CELSR3: variants seen among roughly 807,000 people sequenced by gnomAD.
CELSR3 encodes the protein cadherin EGF LAG seven-pass G-type receptor 3.
Under a neutral mutation model 270.0 loss-of-function variants are expected in CELSR3, and 73 were observed. The observed-to-expected ratio is 0.27, with a 90% CI of 0.22 to 0.33. The LOEUF is 0.33. Among genes scored for constraint, CELSR3 ranks in the 10% least tolerant of loss-of-function variants. The pLI, the probability that CELSR3 is intolerant of heterozygous loss-of-function variation, is 1.00. For missense variants in CELSR3, 3,614 were observed against 4,533.8 expected (o/e 0.80, Z 5.83); for synonymous variants, 1,780 against 1,905.4 (o/e 0.93, Z 1.71).
In CELSR3 at chr3:48,652,131, A is replaced by T; in HGVS notation, c.5752-83T>A. 7.5e-7 allele frequency: 1 copy of T among 1,338,262 alleles called. No homozygotes were observed. Among genetic ancestry groups the T allele is most frequent in the South Asian group, 1.5e-5 (1 of 65,968 alleles). 82.9% of individuals were successfully genotyped at this position (1,338,262 alleles called of 1,614,324 possible). On this transcript the variant is annotated intron_variant, in intron 11 of 34. Coordinates refer to ENST00000164024, the MANE Select transcript of CELSR3 (RefSeq NM_001407.3). The surrounding 1 kb of genome is among the most constrained non-coding windows in gnomAD (Gnocchi z 4.3). ...ACTGCAGAGCCAGCCACCCGGTCTG[A>T]TGATCCTTGACATGCAGTCTTCTGA...
rs773281304 is a variant in CELSR3, at chr3:48,662,584, G to T, written c.51C>A (p.Pro17=). 1 of 1,517,478 alleles carries T rather than the reference G, an allele frequency of 6.6e-7. No homozygotes were observed. Among genetic ancestry groups the T allele is most frequent in the Non-Finnish European group, 8.8e-7 (1 of 1,130,810 alleles). The allele number at this position is 1,517,478 out of a possible 1,614,324, so 94.0% of individuals were successfully genotyped here. ...PWRGLGGRST[P]ILLLLLLSLF... is the part of the protein sequence containing the mutation. ...AAGAGAGGAGAAGGAGCAGGAGTAT[G>T]GGGGTCGACCGTCCCCCGAGGCCCC... The change falls in exon 1 of 35, where the codon CCC becomes CCA. Residue 17 remains proline, a synonymous_variant. Coordinates refer to ENST00000164024, the MANE Select transcript of CELSR3 (RefSeq NM_001407.3). This position sits in a 1 kb window ranked among gnomAD's most constrained non-coding sequence, Gnocchi z 7.1.
In CELSR3 at chr3:48,652,011, G is replaced by T. The variant is rs201802683; in HGVS notation, c.5789C>A (p.Ala1930Asp). Residue 1930 changes from alanine (A) to aspartate (D), a missense_variant, in exon 12 of 35, where the codon GCC becomes GAC. Physicochemically the swap from Ala to Asp is moderately radical, Grantham distance 126 (BLOSUM62 -2). Around this residue, in one of 7 missense-constraint regions of CELSR3, gnomAD observed 1,331 missense variants for 1,933.7 expected, o/e 0.69. Transcript: ENST00000164024. This position sits in a 1 kb window ranked among gnomAD's most constrained non-coding sequence, Gnocchi z 4.3. ...CACTCGGTGGCTGGGGGGTAGCAGG[G>T]CCGGGGAGCCAGAGGGTGTGGAGCC... ...WLGSTPSGSP[A>D]LLPPSHRVNA... 12 of 1,581,336 alleles carry T rather than the reference G, an allele frequency of 7.6e-6. No individual in the cohort carries two copies. The South Asian group carries it at 1.2e-4, about 15-fold the overall frequency.
rs745797882 is a variant in CELSR3, at chr3:48,655,003, G to C, written c.4988+41C>G. ...GATGTGAAGGGTTGGAGTGGGCTTT[G>C]GTAGGCAGGGGACAAGGGGACTAGG... is the stretch of plus-strand genomic sequence containing the variant. On this transcript the variant is annotated intron_variant, in intron 6 of 34. Transcript: ENST00000164024. This position sits in a 1 kb window ranked among gnomAD's most constrained non-coding sequence, Gnocchi z 5.8. The C allele has an allele frequency of 9.4e-6, 15 of 1,595,512 alleles. No individual in the cohort carries two copies. Among genetic ancestry groups the C allele is most frequent in the South Asian group, 2.2e-5 (2 of 90,738 alleles).
chr3:48,641,011 C>A lies in CELSR3; in HGVS notation c.9025+313G>T. The stretch of plus-strand genomic sequence containing the variant: ...GGGGCAGAAATCTTCCAGATCAGAG[C>A]ACGGGCTCTGGGATCTGGGTGGGGG... On this transcript the variant is annotated intron_variant, in intron 33 of 34. Coordinates refer to ENST00000164024, the MANE Select transcript of CELSR3 (RefSeq NM_001407.3). This position sits in a 1 kb window ranked among gnomAD's most constrained non-coding sequence, Gnocchi z 4.8. 1 of 392,728 alleles carries A rather than the reference C, an allele frequency of 2.5e-6. No homozygotes were observed. Among genetic ancestry groups the A allele is most frequent in the Admixed American group, 4.4e-5 (1 of 22,680 alleles). The allele number at this position is 392,728 out of a possible 1,614,324, so 24.3% of individuals were successfully genotyped here. A position where few individuals can be genotyped will look rare whatever the true frequency, so the allele number is the denominator to read the frequency against.
chr3:48,659,555 C>T lies in CELSR3; in HGVS notation c.3080G>A (p.Arg1027Gln). Residue 1027 changes from arginine (R) to glutamine (Q), a missense_variant, in exon 1 of 35, where the codon CGG (arginine) becomes CAG (glutamine). Arg to Gln is a conservative substitution (Grantham distance 43). This residue lies in a region of CELSR3 where 1,331 missense variants were observed against 1,933.7 expected (regional missense o/e 0.69). Coordinates refer to ENST00000164024, the MANE Select transcript of CELSR3 (RefSeq NM_001407.3). The surrounding 1 kb of genome is among the most constrained non-coding windows in gnomAD (Gnocchi z 8.1). ...CAACTCATACACTGATACTGCCTCC[C>T]GGTCTAGCCGCCTTACTGTACGGAC... ...GIVRTVRRLD[R>Q]EAVSVYELTA... 7 of 1,614,216 alleles carry T rather than the reference C, an allele frequency of 4.3e-6. No homozygotes were observed. The highest frequency in any genetic ancestry group is 2.2e-5 in the East Asian group (1 of 44,890).
chr3:48,648,311 C>T lies in CELSR3; in HGVS notation c.6928G>A (p.Glu2310Lys), dbSNP rs773864952. 7.1e-7 allele frequency: 1 copy of T among 1,418,330 alleles called. No homozygotes were observed. The highest frequency in any genetic ancestry group is 1.1e-5 in the South Asian group (1 of 88,690). 87.9% of individuals were successfully genotyped at this position (1,418,330 alleles called of 1,614,324 possible). A position where few individuals can be genotyped will look rare whatever the true frequency, so the allele number is the denominator to read the frequency against. ...EYAATLARNM[E>K]LTYLNPMGLV... ...CCCATGGGATTCAGGTATGTGAGTT[C>T]CATATTCCTTGCGAGTGTGGCTGCA... The change falls in exon 19 of 35, where the codon GAA becomes AAA. Residue 2310 changes from glutamate to lysine, a missense_variant. Transcript: ENST00000164024.
Position 48,656,360 on chromosome 3 carries a change from C to T in CELSR3, c.4405G>A (p.Asp1469Asn), listed in dbSNP as rs1575544760. 2.8e-6 allele frequency: 4 copies of T among 1,422,580 alleles called. No individual in the cohort carries two copies. The East Asian group carries it at 8.3e-5, about 29-fold the overall frequency. 88.1% of individuals were successfully genotyped at this position (1,422,580 alleles called of 1,614,324 possible). ...CCGGCCTCGGTGTCCAGCTCGCAGT[C>T]CTCTCCTGGGGGCCAAGCCGCGGTC... ...CVCRPRFTGEDCELDTEAGRC... is the reference protein window; with the variant it reads ...CVCRPRFTGENCELDTEAGRC... Residue 1469 changes from aspartate (D) to asparagine (N), a missense_variant, in exon 3 of 35, where the codon GAC becomes AAC. Asp to Asn is a conservative substitution (Grantham distance 23, BLOSUM62 1). This residue lies in a region of CELSR3 where 1,331 missense variants were observed against 1,933.7 expected (regional missense o/e 0.69). Transcript: ENST00000164024.
Position 48,642,367 on chromosome 3 carries a change from G to C in CELSR3, c.8656C>G (p.Arg2886Gly), listed in dbSNP as rs1361897072. Reference sequence around the variant, plus strand: ...CAGGCCCCAACTCCACCAGCATCTCGATGGAACATGGCCACGTCCAGGTCA... The same window carrying C: ...CAGGCCCCAACTCCACCAGCATCTCCATGGAACATGGCCACGTCCAGGTCA... Reference protein sequence around the residue: ...PTDLDVAMFHRDAGADSDSDS... With the variant: ...PTDLDVAMFHGDAGADSDSDS... Residue 2886 changes from arginine to glycine, a missense_variant, in exon 31 of 35, where the codon CGA (arginine) becomes GGA (glycine). This residue lies in a region of CELSR3 where 1,240 missense variants were observed against 1,351.7 expected (regional missense o/e 0.92). Coordinates refer to ENST00000164024, the MANE Select transcript of CELSR3 (RefSeq NM_001407.3). The surrounding 1 kb of genome is among the most constrained non-coding windows in gnomAD (Gnocchi z 6.1). The C allele has an allele frequency of 6.2e-7, 1 of 1,612,664 alleles. No homozygotes were observed. Among genetic ancestry groups the C allele is most frequent in the Admixed American group, 1.7e-5 (1 of 59,924 alleles).
rs1284159485 is a variant in CELSR3 at position 48,641,889 on chromosome 3, C to T, written c.8786G>A (p.Arg2929Gln). The T allele has an allele frequency of 1.0e-5, 16 of 1,559,958 alleles. No individual in the cohort carries two copies. The highest frequency in any genetic ancestry group is 1.7e-4 in the Middle Eastern group (1 of 5,886). ...TRGRFQRPLC[R>Q]AAQSERLLTH... ...GAGGAGCCTCTCACTCTGGGCTGCTCGGCAGAGTGGCCGTTGGAAGCGCCC... is the reference window on the plus strand; with the variant it reads ...GAGGAGCCTCTCACTCTGGGCTGCTTGGCAGAGTGGCCGTTGGAAGCGCCC... The change falls in exon 32 of 35, where the codon CGA (arginine) becomes CAA (glutamine). Residue 2929 changes from arginine to glutamine, a missense_variant. Around this residue, in one of 7 missense-constraint regions of CELSR3, gnomAD observed 1,240 missense variants for 1,351.7 expected, o/e 0.92. Coordinates refer to ENST00000164024, the MANE Select transcript of CELSR3 (RefSeq NM_001407.3). The surrounding 1 kb of genome is among the most constrained non-coding windows in gnomAD (Gnocchi z 4.8).
Position 48,661,453 on chromosome 3 carries a change from C to T in CELSR3, c.1182G>A (p.Glu394=), listed in dbSNP as rs1357598028. 1 of 1,610,132 alleles carries T rather than the reference C, an allele frequency of 6.2e-7. No individual in the cohort carries two copies. The highest frequency in any genetic ancestry group is 8.5e-7 in the Non-Finnish European group (1 of 1,178,780). The part of the protein sequence containing the change: ...LIRTAAALDR[E]SMERHYLRVT... ...CACGCAGGTAGTGACGCTCCATGCT[C>T]TCGCGGTCCAGAGCTGCCGCCGTAC... is the stretch of plus-strand genomic sequence containing the variant. The change falls in exon 1 of 35, where the codon GAG becomes GAA. Residue 394 remains glutamate, a synonymous_variant. Coordinates refer to ENST00000164024, the MANE Select transcript of CELSR3 (RefSeq NM_001407.3).
At position 48,652,379 on chromosome 3, in the gene CELSR3, C is replaced by T; in HGVS notation, c.5751+58G>A. 1.5e-6 allele frequency: 2 copies of T among 1,375,032 alleles called. No homozygotes were observed. The highest frequency in any genetic ancestry group is 3.4e-5 in the Admixed American group (2 of 59,404). The allele number at this position is 1,375,032 out of a possible 1,614,324, so 85.2% of individuals were successfully genotyped here. A position where few individuals can be genotyped will look rare whatever the true frequency, so the allele number is the denominator to read the frequency against. ...ACTGCCTTTCAGGTCCCAAGGAGCC[C>T]CTGACTTCTGACCCCTGACCCTAAT... is the stretch of plus-strand genomic sequence containing the variant. On this transcript the variant is annotated intron_variant, in intron 11 of 34. Transcript: ENST00000164024. This position sits in a 1 kb window ranked among gnomAD's most constrained non-coding sequence, Gnocchi z 4.3.
chr3:48,641,862 G>T lies in CELSR3; in HGVS notation c.8813C>A (p.Thr2938Asn), dbSNP rs1421894727. Residue 2938 changes from threonine to asparagine, a missense_variant, in exon 32 of 35, where the codon ACC becomes AAC. Thr to Asn is a moderately conservative substitution (Grantham distance 65). This residue lies in a region of CELSR3 where 1,240 missense variants were observed against 1,351.7 expected (regional missense o/e 0.92). Transcript: ENST00000164024. The surrounding 1 kb of genome is among the most constrained non-coding windows in gnomAD (Gnocchi z 4.8). ...AGGGCGCCTGGCACCTTTGGGGTGG[G>T]TGAGGAGCCTCTCACTCTGGGCTGC... ...CRAAQSERLL[T>N]HPKDVDGNDL... 2 of 1,478,928 alleles carry T rather than the reference G, an allele frequency of 1.4e-6. No individual in the cohort carries two copies. Among genetic ancestry groups the T allele is most frequent in the South Asian group, 2.8e-5 (2 of 70,848 alleles). 91.6% of individuals were successfully genotyped at this position (1,478,928 alleles called of 1,614,324 possible).
At position 48,642,162 on chromosome 3, in the gene CELSR3, G is replaced by T; in HGVS notation, c.8666-153C>A. 1.1e-6 allele frequency: 1 copy of T among 880,934 alleles called. No individual in the cohort carries two copies. The highest frequency in any genetic ancestry group is 1.7e-6 in the Non-Finnish European group (1 of 590,572). The allele number at this position is 880,934 out of a possible 1,614,324, so 54.6% of individuals were successfully genotyped here. On this transcript the variant is annotated intron_variant, in intron 31 of 34. Coordinates refer to ENST00000164024, the MANE Select transcript of CELSR3 (RefSeq NM_001407.3). This position sits in a 1 kb window ranked among gnomAD's most constrained non-coding sequence, Gnocchi z 6.1. Reference sequence around the variant, plus strand: ...GTGGAGGTAGCAGCAGAAGGGCTGGGACTTATCAGAGGGAAGGACGAATCA... The same window carrying T: ...GTGGAGGTAGCAGCAGAAGGGCTGGTACTTATCAGAGGGAAGGACGAATCA...
chr3:48,656,759 G>A lies in CELSR3; in HGVS notation c.4338C>T (p.Asn1446=). 6.4e-7 allele frequency: 1 copy of A among 1,552,986 alleles called. No homozygotes were observed. The highest frequency in any genetic ancestry group is 1.2e-5 in the South Asian group (1 of 82,234). ...CCTCGCGCCGCGCGCAGGCTCCGCC[G>A]TTGCGACATGGGTTGGAGTAGCAGA... The part of the protein sequence containing the change: ...LDLCYSNPCR[N]GGACARREGG... Residue 1446 remains asparagine, a synonymous_variant, in exon 2 of 35, where the codon AAC becomes AAT. Transcript: ENST00000164024.
In CELSR3 at chr3:48,660,976, C is replaced by T. The variant is rs777269607; in HGVS notation, c.1659G>A (p.Gln553=). 2.5e-6 allele frequency: 4 copies of T among 1,613,796 alleles called. No homozygotes were observed. The African/African-American group carries it at 5.3e-5, about 22-fold the overall frequency. The change falls in exon 1 of 35, where the codon CAG becomes CAA. Residue 553 remains glutamine (Q), a synonymous_variant. Transcript: ENST00000164024. The surrounding 1 kb of genome is among the most constrained non-coding windows in gnomAD (Gnocchi z 5.5). ...PQFSEKRYVA[Q]VREDVRPHTV... ...TGTGGGGGCGCACATCCTCGCGCAC[C>T]TGCGCCACGTAGCGCTTCTCGCTGA...
In CELSR3 at chr3:48,646,928, A is replaced by G; in HGVS notation, c.7130T>C (p.Val2377Ala). The change falls in exon 21 of 35, where the codon GTT becomes GCT. Residue 2377 changes from valine (V) to alanine (A), a missense_variant and splice_region_variant. Physicochemically the swap from Val to Ala is moderately conservative, Grantham distance 64. This residue lies in a region of CELSR3 where 1,240 missense variants were observed against 1,351.7 expected (regional missense o/e 0.92). Transcript: ENST00000164024. This position sits in a 1 kb window ranked among gnomAD's most constrained non-coding sequence, Gnocchi z 4.8. ...TTCTATGCTGCTGCTTGTGGGCAGA[A>G]CTGCCAGGAGAGAAGGAGGAGCTTC... Reference protein sequence around the residue: ...SQSPRPSPSEVLPTSSSIENS... With the variant: ...SQSPRPSPSEALPTSSSIENS... The G allele has an allele frequency of 6.5e-7, 1 of 1,530,410 alleles. No homozygotes were observed. The highest frequency in any genetic ancestry group is 8.7e-7 in the Non-Finnish European group (1 of 1,143,450). The allele number at this position is 1,530,410 out of a possible 1,614,324, so 94.8% of individuals were successfully genotyped here. A position where few individuals can be genotyped will look rare whatever the true frequency, so the allele number is the denominator to read the frequency against.
At position 48,655,982 on chromosome 3, in the gene CELSR3, G is replaced by C. The variant is rs1336352898; in HGVS notation, c.4626-131C>G. 6.3e-6 allele frequency: 7 copies of C among 1,113,628 alleles called. No homozygotes were observed. The South Asian group carries it at 9.7e-5, about 15-fold the overall frequency. 69.0% of individuals were successfully genotyped at this position (1,113,628 alleles called of 1,614,324 possible). On this transcript the variant is annotated intron_variant, in intron 3 of 34. Coordinates refer to ENST00000164024, the MANE Select transcript of CELSR3 (RefSeq NM_001407.3). The surrounding 1 kb of genome is among the most constrained non-coding windows in gnomAD (Gnocchi z 5.8). Reference sequence around the variant, plus strand: ...CGACGAGGGACGGCGGGACCGACCGGGGGGACGCGGGTGCAGCGAGGTCAG... The same window carrying C: ...CGACGAGGGACGGCGGGACCGACCGCGGGGACGCGGGTGCAGCGAGGTCAG...
chr3:48,644,690 G>GGGGGCACCAAGTCC lies in CELSR3; in HGVS notation c.8085+12_8085+25dup. 6.4e-7 allele frequency: 1 copy of GGGGGCACCAAGTCC among 1,572,208 alleles called. No individual in the cohort carries two copies. Among genetic ancestry groups the GGGGGCACCAAGTCC allele is most frequent in the Non-Finnish European group, 8.7e-7 (1 of 1,142,962 alleles). ...CCCCAATGAGGGAGGGAAGTACAGA[G>GGGGGCACCAAGTCC]GGGGCACCAAGTCCAGGGCACTCAC... On this transcript the variant is annotated intron_variant, in intron 26 of 34. Coordinates refer to ENST00000164024, the MANE Select transcript of CELSR3 (RefSeq NM_001407.3). The surrounding 1 kb of genome is among the most constrained non-coding windows in gnomAD (Gnocchi z 4.8).
In CELSR3 at chr3:48,662,359, C is replaced by T. The variant is rs375514618; in HGVS notation, c.276G>A (p.Arg92=). ...EPIFVGLRGR[R]QSARNSRGPP... is the part of the protein sequence containing the mutation. ...GCCCTCGACTATTCCGGGCGCTTTG[C>T]CTTCTCCCTCGGAGCCCCACGAAGA... Residue 92 remains arginine (R), a synonymous_variant, in exon 1 of 35, where the codon AGG becomes AGA. Coordinates refer to ENST00000164024, the MANE Select transcript of CELSR3 (RefSeq NM_001407.3). This position sits in a 1 kb window ranked among gnomAD's most constrained non-coding sequence, Gnocchi z 7.1. The T allele has an allele frequency of 7.1e-4, 1,151 of 1,613,046 alleles. 1 individual carries two copies. Among genetic ancestry groups the T allele is most frequent in the Non-Finnish European group, 9.0e-4 (1,065 of 1,180,008 alleles).
Sources: gnomAD v4.1 joint callset for allele counts on GRCh38, gnomAD v4.1.1 for gene constraint, gnomAD v4.1.1 regional missense constraint, Gnocchi (gnomAD v3.1) non-coding constraint, MANE v1.5 for transcripts, NCBI Gene and HGNC (gene_info 2026-07-23, HGNC 2026-07-21) for gene names.